CDH8: variants seen among roughly 807,000 people sequenced by gnomAD.
CDH8 encodes cadherin 8, also known as cadherin-8.
CDH8 carries 17 observed loss-of-function variants against 68.1 expected under a neutral mutation model. That is an observed-to-expected ratio of 0.25 (90% confidence interval 0.17 to 0.37). The LOEUF is 0.37. CDH8 is among the 10% of genes least tolerant of loss of function. CDH8 has a pLI of 1.00. For missense variants in CDH8, 763 were observed against 999.3 expected (o/e 0.76, Z 3.19); for synonymous variants, 372 against 365.1 (o/e 1.02, Z -0.21).
At chr16:61,738,581 T>G (rs1959772444) in intron 8 of CDH8, among the ~76,000 whole-genome samples, 1 of 152,154 alleles carries the variant, frequency 6.6e-6, no homozygotes, top group South Asian at 2.1e-4. Flanking sequence ...TTATATTTCA[T>G]AAATGTAAAA....
At chr16:61,865,072 T>C (rs1315058035) in intron 3 of CDH8, among the ~76,000 whole-genome samples, 2 of 152,162 alleles carry the variant, frequency 1.3e-5, no homozygotes, top group African/African-American at 4.8e-5. Context: ...GTGTTCTCCT[T>C]ATGTGCCAAC....
chr16:61,653,671 C>G lies in CDH8; in HGVS notation c.2337G>C (p.Trp779Cys). The change falls in exon 12 of 12, where the codon TGG (tryptophan) becomes TGC (cysteine). Residue 779 changes from tryptophan (W) to cysteine (C), a missense_variant. Physicochemically the swap from Trp to Cys is radical, Grantham distance 215. Around this residue, in one of 2 missense-constraint regions of CDH8, gnomAD observed 397 missense variants for 436.2 expected, o/e 0.91. Transcript: ENST00000577390. ...CGCCCAGTCTCTTAAAGCGGGGACC[C>G]CAGTCACTGAGGTAGTCAAAATTCT... ...SDQNFDYLSD[W>C]GPRFKRLGEL... is the part of the protein sequence containing the mutation. 1.2e-6 allele frequency: 2 copies of G among 1,613,940 alleles called. No homozygotes were observed. The highest frequency in any genetic ancestry group is 1.7e-6 in the Non-Finnish European group (2 of 1,179,880).
intron 2 of CDH8, among the ~76,000 whole-genome samples, chr16:61,939,531 C>T (rs1964679364): frequency 1.3e-5 from 2 of 152,126 alleles, no homozygotes; most frequent in East Asian, 1.9e-4. Flanking sequence ...ACCTAGCTAC[C>T]TATTTCATAA....
chr16:62,027,408 A>G (rs1334688889), intron 1 of CDH8, among the ~76,000 whole-genome samples: 4 of 152,220 alleles, frequency 2.6e-5, no homozygotes, highest in African/African-American at 9.6e-5. Context: ...GATGAACAAC[A>G]CACTGATAGG....
chr16:61,768,353 TCTCTCTCTCTCTCTCC>T (rs1960665769), intron 8 of CDH8, among the ~76,000 whole-genome samples: 4 of 109,432 alleles, frequency 3.7e-5, no homozygotes, highest in African/African-American at 1.5e-4. Context: ...TCTCTCTCTC[TCTCTCTCTCTCTCTCC>T]CTTTCTCTCT....
chr16:62,028,184 C>A (rs1008749051), intron 1 of CDH8, among the ~76,000 whole-genome samples: 5 of 151,202 alleles, frequency 3.3e-5, no homozygotes, highest in Non-Finnish European at 5.9e-5. Context: ...CCTGCCTCAG[C>A]CTCCTGAGTA....
intron 7 of CDH8, among the ~76,000 whole-genome samples, chr16:61,807,266 GA>G (rs2142998210): frequency 7.0e-6 from 1 of 143,438 alleles, no homozygotes; most frequent in South Asian, 2.2e-4. Context: ...GGTGGGAATT[GA>G]ACAATGAGAT....
chr16:61,994,339 A>G (rs1449633822), intron 2 of CDH8, among the ~76,000 whole-genome samples: 1 of 152,166 alleles, frequency 6.6e-6, no homozygotes, highest in African/African-American at 2.4e-5. Flanking sequence ...ACTACCATTA[A>G]GTCTGCACAA....
intron 7 of CDH8, among the ~76,000 whole-genome samples, chr16:61,791,256 G>A (rs1459671465): frequency 1.3e-5 from 2 of 151,806 alleles, no homozygotes; most frequent in African/African-American, 2.4e-5. Flanking sequence ...CTGAGAGACA[G>A]GTAAGTTAAC....
In CDH8 at chr16:61,921,371, A is replaced by T. The variant is rs149353822; in HGVS notation, c.253-19898T>A. Among the ~76,000 whole-genome samples the T allele has an allele frequency of 6.7e-3, 1,021 of 152,208 alleles. 10 individuals carry two copies. Among genetic ancestry groups the T allele is most frequent in the African/African-American group, 0.024 (983 of 41,566 alleles). ...CATGTTCTTGAAAAAAACAACTGAA[A>T]GCAAACTATGGCTATTCTGACTTCT... On this transcript the variant is annotated intron_variant, in intron 2 of 11. Coordinates refer to ENST00000577390, the MANE Select transcript of CDH8 (RefSeq NM_001796.5).
rs111704119 is a variant in CDH8, at chr16:61,949,987, T to TAAA, written c.253-48517_253-48515dup. ...TGGGTGGCAGAGCAAGACCCTGTCTTAAAAAAAAAAAAAAATCCTAAGCTT... is the reference window on the plus strand; with the variant it reads ...TGGGTGGCAGAGCAAGACCCTGTCTTAAAAAAAAAAAAAAAAAATCCTAAGCTT... On this transcript the variant is annotated intron_variant, in intron 2 of 11. Transcript: ENST00000577390. 3.0e-3 allele frequency among the ~76,000 whole-genome samples: 438 copies of TAAA among 143,920 alleles called. 3 individuals carry two copies. Among genetic ancestry groups the TAAA allele is most frequent in the Admixed American group, 4.4e-3 (63 of 14,378 alleles). 94.4% of individuals were successfully genotyped at this position (143,920 alleles called of 152,430 possible). A position where few individuals can be genotyped will look rare whatever the true frequency, so the allele number is the denominator to read the frequency against.
At chr16:61,942,017 T>G (rs1029546812) in intron 2 of CDH8, among the ~76,000 whole-genome samples, 3 of 152,182 alleles carry the variant, frequency 2.0e-5, no homozygotes, top group African/African-American at 7.2e-5. Flanking sequence ...AAACACTACA[T>G]CTAAATAGTG....
At chr16:61,879,784 C>A (rs929762630) in intron 3 of CDH8, among the ~76,000 whole-genome samples, 5 of 152,098 alleles carry the variant, frequency 3.3e-5, no homozygotes, top group Admixed American at 3.3e-4. Context: ...CGAAAAACAA[C>A]AAGGAACAAT....
At chr16:61,999,384 G>A (rs951756557) in intron 2 of CDH8, among the ~76,000 whole-genome samples, 3 of 152,054 alleles carry the variant, frequency 2.0e-5, no homozygotes, top group Admixed American at 6.6e-5. Flanking sequence ...GAGATTTAGA[G>A]GCAGAAACTC....
At chr16:61,925,025 G>A (rs927553275) in intron 2 of CDH8, among the ~76,000 whole-genome samples, 12 of 152,200 alleles carry the variant, frequency 7.9e-5, no homozygotes, top group Non-Finnish European at 1.5e-4. Context: ...TAATTAATAC[G>A]CTCCTAAAAT....
chr16:61,724,545 A>G, intron 9 of CDH8, among the ~76,000 whole-genome samples: 1 of 150,370 alleles, frequency 6.7e-6, no homozygotes, highest in South Asian at 2.1e-4. Context: ...CAGCTACACC[A>G]TCTCCCAGGA....
chr16:62,027,162 G>T (rs775562867), intron 1 of CDH8, among the ~76,000 whole-genome samples: 1 of 152,078 alleles, frequency 6.6e-6, no homozygotes, highest in East Asian at 1.9e-4. Context: ...TTACATATAC[G>T]AAAGTCTTTA....
At chr16:61,879,858 T>G (rs1963536225) in intron 3 of CDH8, among the ~76,000 whole-genome samples, 1 of 152,084 alleles carries the variant, frequency 6.6e-6, no homozygotes, top group African/African-American at 2.4e-5. Flanking sequence ...CAGTAATTAA[T>G]CAATCAATTA....
chr16:61,764,572 C>CT (rs1291892463), intron 8 of CDH8, among the ~76,000 whole-genome samples: 10 of 152,058 alleles, frequency 6.6e-5, no homozygotes, highest in African/African-American at 2.4e-4. Flanking sequence ...TCTCAATGCT[C>CT]AAGTACACTA....
Sources: allele counts gnomAD v4.1 joint callset (sites outside exome capture counted in the v4.1 genomes callset), GRCh38; gene constraint gnomAD v4.1.1; regional missense constraint gnomAD v4.1.1; transcripts MANE v1.5; gene names NCBI Gene and HGNC (gene_info 2026-07-23, HGNC 2026-07-21).